Variants in RNF128 observed in about 807,000 individuals in gnomAD.
The protein encoded by RNF128 is ring finger protein 128.
RNF128 carries 13 observed loss-of-function variants against 26.2 expected under a neutral mutation model. The ratio of observed to expected loss-of-function variants is 0.50; its 90% CI spans 0.32 to 0.79. The LOEUF (loss-of-function observed/expected upper bound fraction) is 0.79. Ranked by LOEUF, RNF128 falls within the 30% of genes least tolerant of loss-of-function variation. The probability of loss-of-function intolerance (pLI) is 0.03; values close to 1 mark genes in which losing one functional copy is unlikely to be tolerated. For missense variants in RNF128, 315 were observed against 349.7 expected (o/e 0.90, Z 0.79); for synonymous variants, 149 against 142.5 (o/e 1.05, Z -0.32).
rs1569445352 is a variant in RNF128, at chrX:106,788,426, T to TATATAA, written c.887+426_887+427insATATAA. On this transcript the variant is annotated intron_variant, in intron 4 of 6. Coordinates refer to ENST00000255499, the MANE Select transcript of RNF128 (RefSeq NM_194463.2). ...TATAATATATAATATATAATATATATTATATATAATATTATTATAATTATA... is the reference window on the plus strand; with the variant it reads ...TATAATATATAATATATAATATATATATATAATATATATAATATTATTATAATTATA... Among the ~76,000 whole-genome samples the TATATAA allele has an allele frequency of 4.9e-3, 228 of 46,484 alleles. 6 individuals are homozygous for TATATAA. Among genetic ancestry groups the TATATAA allele is most frequent in the African/African-American group, 0.023 (212 of 9,112 alleles). The allele number at this position is 46,484 out of a possible 115,157, so 40.4% of individuals were successfully genotyped here.
At chrX:106,789,748 G>T (rs866475649) in intron 4 of RNF128, among the ~76,000 whole-genome samples, 1 of 108,074 alleles carries the variant, frequency 9.3e-6, no homozygotes, top group South Asian at 3.9e-4. Context: ...ACTTCTTTTA[G>T]CTATTTAATA....
chrX:106,770,224 T>C (rs902782114), intron 1 of RNF128, among the ~76,000 whole-genome samples: 3 of 111,456 alleles, frequency 2.7e-5, no homozygotes, highest in African/African-American at 9.8e-5. Flanking sequence ...TTATGTGTCT[T>C]GGAGTTGCTC....
chrX:106,720,077 G>T (rs1436401654), intron 1 of RNF128, among the ~76,000 whole-genome samples: 1 of 110,784 alleles, frequency 9.0e-6, no homozygotes, highest in East Asian at 2.8e-4. Flanking sequence ...GGAAAGATAG[G>T]AGACTGCATG....
chrX:106,772,669 G>T (rs1930394228), intron 1 of RNF128, among the ~76,000 whole-genome samples: 1 of 110,932 alleles, frequency 9.0e-6, no homozygotes, highest in Non-Finnish European at 1.9e-5. Flanking sequence ...GGAGGGGGAG[G>T]TGTTTGTTGT....
chrX:106,736,286 A>G (rs1408756602), intron 1 of RNF128, among the ~76,000 whole-genome samples: 1 of 111,948 alleles, frequency 8.9e-6, no homozygotes, highest in Non-Finnish European at 1.9e-5. Context: ...ATTCAGCTAT[A>G]TAAAATTCCA....
chrX:106,793,496 C>T (rs1263927313), intron 6 of RNF128, among the ~76,000 whole-genome samples: 3 of 111,467 alleles, frequency 2.7e-5, no homozygotes, highest in Non-Finnish European at 3.8e-5. Context: ...TTATCAAAAC[C>T]AGGAAATTTG....
intron 1 of RNF128, among the ~76,000 whole-genome samples, chrX:106,710,608 T>G (rs1929108333): frequency 9.2e-6 from 1 of 109,226 alleles, no homozygotes; most frequent in Non-Finnish European, 1.9e-5. Context: ...AATACAAAAA[T>G]TAGCAGGGCA....
intron 1 of RNF128, among the ~76,000 whole-genome samples, chrX:106,752,129 C>T (rs934782014): frequency 9.0e-6 from 1 of 111,495 alleles, no homozygotes; most frequent in Non-Finnish European, 1.9e-5. Flanking sequence ...CCAGAAGGGA[C>T]ACCACCACCC....
At chrX:106,724,002 C>T (rs1014538944), upstream of RNF128, among the ~76,000 whole-genome samples, 2 of 111,066 alleles carry the variant, frequency 1.8e-5, no homozygotes, top group Non-Finnish European at 3.8e-5. Context: ...GTTCAGTGAT[C>T]GGAAACTCAA....
chrX:106,696,158 A>G, intron 1 of RNF128, among the ~76,000 whole-genome samples: 1 of 112,188 alleles, frequency 8.9e-6, no homozygotes, highest in Non-Finnish European at 1.9e-5. Context: ...ACACATTGAA[A>G]AAGATAGCAT....
chrX:106,771,734 G>A (rs1296854164), intron 1 of RNF128, among the ~76,000 whole-genome samples: 1 of 112,535 alleles, frequency 8.9e-6, no homozygotes, highest in Non-Finnish European at 1.9e-5. Flanking sequence ...TGCTCCGTGG[G>A]CTGTACCCAC....
At chrX:106,768,208 A>G (rs892634371) in intron 1 of RNF128, among the ~76,000 whole-genome samples, 17 of 111,623 alleles carry the variant, frequency 1.5e-4, no homozygotes, top group Admixed American at 4.8e-4. Context: ...AGGCTTTGGT[A>G]TCAGGATGAT....
At chrX:106,694,296 T>C (rs375407192) in exon 1 of RNF128, 13 of 1,210,003 alleles carry the variant, frequency 1.1e-5, no homozygotes, top group African/African-American at 6.9e-5. Flanking sequence ...TAGAAAGAGG[T>C]AATTGTACAT....
chrX:106,788,487 TATA>T (rs1260303491), intron 4 of RNF128, among the ~76,000 whole-genome samples: 1 of 55,307 alleles, frequency 1.8e-5, no homozygotes, highest in East Asian at 6.3e-4. Flanking sequence ...AATTATATAT[TATA>T]ATTATAATTA....
upstream of RNF128, among the ~76,000 whole-genome samples, chrX:106,726,430 GA>G (rs1157847654): frequency 1.8e-5 from 2 of 111,303 alleles, no homozygotes; most frequent in African/African-American, 3.3e-5. Flanking sequence ...TGTTAGGAGG[GA>G]AAAATGTATT....
intron 6 of RNF128, 60 bp downstream of exon 6, chrX:106,791,294 T>TG: frequency 1.9e-6 from 2 of 1,031,336 alleles, no homozygotes; most frequent in Non-Finnish European, 2.6e-6. Context: ...CATATGCCTG[T>TG]ATAGTACTCT....
rs1022646001 is a variant in RNF128 at position 106,795,462 on chromosome X, A to T, written c.1154-118A>T. 4 of 598,469 alleles carry T rather than the reference A, an allele frequency of 6.7e-6. No homozygotes were observed. The African/African-American group carries it at 6.9e-5, about 10-fold the overall frequency. 49.3% of individuals were successfully genotyped at this position (598,469 alleles called of 1,213,427 possible). ...ATTATTAGAGGTACAGGGAATGAAT[A>T]TGGTAATCAGTGTATGTTGAAATTA... On this transcript the variant is annotated intron_variant, in intron 6 of 6. Transcript: ENST00000255499.
chrX:106,746,208 G>A lies in RNF128; in HGVS notation c.484+18811G>A, dbSNP rs190285122. On this transcript the variant is annotated intron_variant, in intron 1 of 6. Transcript: ENST00000255499. ...CAGTTGCCCTTATTATTCTCATTGT[G>A]AATAACCTCTATTTTCTAATATGTT... 9.1e-5 allele frequency among the ~76,000 whole-genome samples: 10 copies of A among 110,417 alleles called. No homozygotes were observed. In the East Asian group the frequency reaches 2.8e-3, roughly 31 times the overall value.
chrX:106,763,533 G>A (rs1490895673), intron 1 of RNF128, among the ~76,000 whole-genome samples: 1 of 112,904 alleles, frequency 8.9e-6, no homozygotes, highest in Non-Finnish European at 1.9e-5. Context: ...TTGAGACGGA[G>A]TCTCGCTCTG....
Sources: allele counts gnomAD v4.1 joint callset (sites outside exome capture counted in the v4.1 genomes callset), GRCh38; gene constraint gnomAD v4.1.1; transcripts MANE v1.5; gene names NCBI Gene and HGNC (gene_info 2026-07-23, HGNC 2026-07-21).